RBCK1: variants seen among roughly 807,000 people sequenced by gnomAD.
The protein encoded by RBCK1 is ranBP-type and C3HC4-type zinc finger-containing protein 1.
In RBCK1, 44 loss-of-function variants were observed where a neutral mutation model predicts 71.1. That is an observed-to-expected ratio of 0.62 (90% CI 0.49 to 0.80). The LOEUF (loss-of-function observed/expected upper bound fraction) is 0.80. Among genes scored for constraint, RBCK1 ranks in the 30% least tolerant of loss-of-function variants. The pLI is 0.00. For synonymous variants in RBCK1, 306 were observed against 279.7 expected (o/e 1.09, Z -0.94); for missense variants, 569 against 685.0 (o/e 0.83, Z 1.89).
Position 428,259 on chromosome 20 carries a change from C to T in RBCK1, c.1210-232C>T, listed in dbSNP as rs2016837747. On this transcript the variant is annotated intron_variant, in intron 9 of 11. Transcript: ENST00000356286. This position sits in a 1 kb window ranked among gnomAD's most constrained non-coding sequence, Gnocchi z 5.7. ...GCACATGTCAGTGGTCCCAGCTACT[C>T]AGGAGGCTGAGGTATATTTTGCTGT... is the stretch of plus-strand genomic sequence containing the variant. Among the ~76,000 whole-genome samples the T allele has an allele frequency of 6.6e-6, 1 of 152,208 alleles. No individual in the cohort carries two copies. Among genetic ancestry groups the T allele is most frequent in the South Asian group, 2.1e-4 (1 of 4,832 alleles).
At chr20:410,146 A>T (rs1202069224) in intron 2 of RBCK1, 121 bp downstream of exon 2, 9 of 1,115,812 alleles carry the variant, frequency 8.1e-6, no homozygotes, top group Non-Finnish European at 1.1e-5. Context: ...AACCCTAGTT[A>T]TGTCATTAAT....
In RBCK1 at chr20:419,478, C is replaced by A; in HGVS notation, c.582+10C>A. 1.9e-6 allele frequency: 3 copies of A among 1,605,114 alleles called. No individual in the cohort carries two copies. Among genetic ancestry groups the A allele is most frequent in the Non-Finnish European group, 2.6e-6 (3 of 1,175,780 alleles). On this transcript the variant is annotated intron_variant, in intron 5 of 11. Transcript: ENST00000356286. ...GCCTGAGCCCCCACCGGTAAGCTGT[C>A]CTTGGCCTCAGTATCCTCTTCTGTG...
intron 7 of RBCK1, 119 bp downstream of exon 7, chr20:421,150 C>T: frequency 7.9e-7 from 1 of 1,264,280 alleles, no homozygotes; most frequent in South Asian, 1.5e-5. Flanking sequence ...CGAAAACCTA[C>T]GAGGTAGGCT....
rs150977425 is a variant in RBCK1 at position 430,146 on chromosome 20, G to A, written c.1453-204G>A. 6.4e-3 allele frequency among the ~76,000 whole-genome samples: 978 copies of A among 152,338 alleles called. 6 individuals are homozygous for A. The highest frequency in any genetic ancestry group is 0.021 in the African/African-American group (885 of 41,568). ...AGTGGTCAGATCCTCTCCCTGGCCT[G>A]TTCCCGGATCTAGGCGTGGGTAGAC... On this transcript the variant is annotated intron_variant, in intron 11 of 11. Transcript: ENST00000356286. The surrounding 1 kb of genome is among the most constrained non-coding windows in gnomAD (Gnocchi z 5.6).
chr20:425,872 G>A (rs565073300), intron 8 of RBCK1, among the ~76,000 whole-genome samples: 14 of 152,072 alleles, frequency 9.2e-5, no homozygotes, highest in African/African-American at 2.2e-4. Flanking sequence ...TGATGCGCCC[G>A]CCTCGGCCTC....
At chr20:420,406 C>T in intron 6 of RBCK1, 2 of 984,956 alleles carry the variant, frequency 2.0e-6, no homozygotes, top group Non-Finnish European at 2.4e-6. Context: ...CCCCTGGCCA[C>T]CCCACTCCTG....
At position 419,613 on chromosome 20, in the gene RBCK1, G is replaced by A; in HGVS notation, c.638G>A (p.Cys213Tyr). 1 of 1,598,028 alleles carries A rather than the reference G, an allele frequency of 6.3e-7. No individual in the cohort carries two copies. Among genetic ancestry groups the A allele is most frequent in the South Asian group, 1.1e-5 (1 of 89,086 alleles). The change falls in exon 6 of 12, where the codon TGT (cysteine) becomes TAT (tyrosine). Residue 213 changes from cysteine (C) to tyrosine (Y), a missense_variant. Physicochemically the swap from Cys to Tyr is radical, Grantham distance 194. Transcript: ENST00000356286. ...ATCAACAAGCCCACGCGGCCTGGCT[G>A]TGAGATGTGCTGCCGGGCGCGCCCC... The part of the protein sequence containing the change: ...TFINKPTRPG[C>Y]EMCCRARPEA...
At chr20:408,930 C>G in intron 1 of RBCK1, 151 bp downstream of exon 1, 2 of 995,050 alleles carry the variant, frequency 2.0e-6, no homozygotes. Flanking sequence ...CCTTTGGTAC[C>G]TGCTGGCTTC....
At position 430,189 on chromosome 20, in the gene RBCK1, C is replaced by T. The variant is rs1314967615; in HGVS notation, c.1453-161C>T. On this transcript the variant is annotated intron_variant, in intron 11 of 11. Transcript: ENST00000356286. The surrounding 1 kb of genome is among the most constrained non-coding windows in gnomAD (Gnocchi z 5.6). ...GGGTAGACTGAGTGCTGTGGGAGCC[C>T]AGAAAAGGCCTCAGTGACTCTCCAT... Among the ~76,000 whole-genome samples the T allele has an allele frequency of 6.6e-6, 1 of 152,208 alleles. No homozygotes were observed. The highest frequency in any genetic ancestry group is 2.4e-5 in the African/African-American group (1 of 41,444).
chr20:431,793 C>T lies in RBCK1; in HGVS notation c.*1363C>T, dbSNP rs530730637. Among the ~76,000 whole-genome samples, 5 of 152,304 alleles carry T rather than the reference C, an allele frequency of 3.3e-5. No homozygotes were observed. Among genetic ancestry groups the T allele is most frequent in the South Asian group, 4.1e-4 (2 of 4,828 alleles). ...GTCAACCGTCGCAGAGGATGAGGGG[C>T]ACACTCAGGCAGCCTCCCCGGCCCT... is the stretch of plus-strand genomic sequence containing the variant. On this transcript the variant is annotated 3_prime_UTR_variant, in exon 12 of 12. Transcript: ENST00000356286. The surrounding 1 kb of genome is among the most constrained non-coding windows in gnomAD (Gnocchi z 4.8).
Position 430,729 on chromosome 20 carries a change from C to G in RBCK1, c.*299C>G. On this transcript the variant is annotated 3_prime_UTR_variant, in exon 12 of 12. Coordinates refer to ENST00000356286, the MANE Select transcript of RBCK1 (RefSeq NM_031229.4). This position sits in a 1 kb window ranked among gnomAD's most constrained non-coding sequence, Gnocchi z 5.6. ...TGACTCCATACTCCTCCCACCACAA[C>G]ACTCATCTGTCAAACACCAAGCACT... 1 of 437,258 alleles carries G rather than the reference C, an allele frequency of 2.3e-6. No homozygotes were observed. 27.1% of individuals were successfully genotyped at this position (437,258 alleles called of 1,614,324 possible).
chr20:410,316 A>C, intron 2 of RBCK1: 1 of 701,006 alleles, frequency 1.4e-6, no homozygotes, highest in South Asian at 1.6e-5. Context: ...GACGTAAACA[A>C]ATTTGATGGC....
At chr20:420,429 C>A (rs2016318765) in intron 6 of RBCK1, 1 of 983,706 alleles carries the variant, frequency 1.0e-6, no homozygotes. Flanking sequence ...CCCGTCTCAG[C>A]TCCTCGGCTT....
In RBCK1 at chr20:417,599, G is replaced by A; in HGVS notation, c.241G>A (p.Val81Met). ...IWLTVRPDMT[V>M]ASLKDMVFLD... ...GCTCACAGTGCGCCCTGATATGACA[G>A]TGGCGTCTCTCAAGGACATGGTGAG... The change falls in exon 3 of 12, where the codon GTG becomes ATG. Residue 81 changes from valine to methionine, a missense_variant. Physicochemically the swap from Val to Met is conservative, Grantham distance 21. Coordinates refer to ENST00000356286, the MANE Select transcript of RBCK1 (RefSeq NM_031229.4). The surrounding 1 kb of genome is among the most constrained non-coding windows in gnomAD (Gnocchi z 4.7). 1 of 1,614,014 alleles carries A rather than the reference G, an allele frequency of 6.2e-7. No individual in the cohort carries two copies. Among genetic ancestry groups the A allele is most frequent in the Non-Finnish European group, 8.5e-7 (1 of 1,179,972 alleles).
In RBCK1 at chr20:409,990, A is replaced by T. The variant is rs145132343; in HGVS notation, c.132A>T (p.Gln44His). The T allele has an allele frequency of 8.7e-6, 14 of 1,614,138 alleles. No homozygotes were observed. In the African/African-American group the frequency reaches 1.1e-4, roughly 12 times the overall value. Residue 44 changes from glutamine to histidine, a missense_variant, in exon 2 of 12, where the codon CAA becomes CAT. By Grantham distance (24) the Gln-to-His change is conservative (BLOSUM62 0). Coordinates refer to ENST00000356286, the MANE Select transcript of RBCK1 (RefSeq NM_031229.4). The part of the protein sequence containing the change: ...LAEQRVPLSV[Q>H]LKPEVSPTQD... ...AGCAACGGGTGCCCCTGAGTGTGCAACTGAAGCCTGAGGTCTCCCCAACGC... is the reference window on the plus strand; with the variant it reads ...AGCAACGGGTGCCCCTGAGTGTGCATCTGAAGCCTGAGGTCTCCCCAACGC...
At chr20:427,640 T>A in intron 9 of RBCK1, 148 bp downstream of exon 9, 1 of 909,848 alleles carries the variant, frequency 1.1e-6, no homozygotes, top group Non-Finnish European at 1.7e-6. Flanking sequence ...AGAGTGTGGC[T>A]TGAGCCTGAA....
At chr20:423,365 T>C (rs998725822) in intron 8 of RBCK1, among the ~76,000 whole-genome samples, 4 of 152,226 alleles carry the variant, frequency 2.6e-5, no homozygotes, top group Non-Finnish European at 5.9e-5. Context: ...TTGTTAGCGC[T>C]TACTGTGTAA....
intron 8 of RBCK1, among the ~76,000 whole-genome samples, chr20:424,829 T>C (rs1022355082): frequency 1.3e-5 from 2 of 152,114 alleles, no homozygotes; most frequent in Admixed American, 6.5e-5. Flanking sequence ...TGGTCAAGTG[T>C]GACAGAGAGA....
intron 4 of RBCK1, among the ~76,000 whole-genome samples, chr20:418,437 C>G (rs549865974): frequency 3.3e-5 from 5 of 151,966 alleles, no homozygotes; most frequent in Non-Finnish European, 5.9e-5. Context: ...GGCACAATCT[C>G]GGCTCACTGC....
Sources: gnomAD v4.1 joint callset for allele counts (sites outside exome capture counted in the v4.1 genomes callset) on GRCh38, gnomAD v4.1.1 for gene constraint, Gnocchi (gnomAD v3.1) non-coding constraint, MANE v1.5 for transcripts, NCBI Gene and HGNC (gene_info 2026-07-23, HGNC 2026-07-21) for gene names.